LCORL: variants seen among roughly 807,000 people sequenced by gnomAD.
LCORL encodes ligand dependent nuclear receptor corepressor like.
A neutral mutation model predicts 141.8 loss-of-function variants in LCORL; 41 were observed. The ratio of observed to expected loss-of-function variants is 0.29; its 90% CI spans 0.23 to 0.38. The LOEUF (loss-of-function observed/expected upper bound fraction) is 0.38, where lower values mean the gene tolerates loss of function less well. LCORL is among the 10% of genes least tolerant of loss of function. The pLI is 1.00. For missense variants in LCORL, 1,759 were observed against 2,035.0 expected (o/e 0.86, Z 2.61); for synonymous variants, 618 against 694.1 (o/e 0.89, Z 1.72).
At chr4:17,975,973 A>G (rs913827868) in intron 1 of LCORL, among the ~76,000 whole-genome samples, 1 of 152,060 alleles carries the variant, frequency 6.6e-6, no homozygotes, top group African/African-American at 2.4e-5. Flanking sequence ...GTTATTGGGT[A>G]CATTTATATT....
chr4:17,872,356 A>G (rs1726449420), intron 7 of LCORL, among the ~76,000 whole-genome samples: 1 of 152,122 alleles, frequency 6.6e-6, no homozygotes, highest in Non-Finnish European at 1.5e-5. Flanking sequence ...GCCACACTGG[A>G]AGAATTGTCT....
At chr4:17,914,182 C>G (rs1733018536) in intron 4 of LCORL, among the ~76,000 whole-genome samples, 1 of 152,268 alleles carries the variant, frequency 6.6e-6, no homozygotes, top group East Asian at 1.9e-4. Context: ...TGATGATTAT[C>G]TTTAGAAATC....
chr4:17,877,622 G>A (rs1727059459), exon 7 of LCORL: 1 of 1,230,498 alleles, frequency 8.1e-7, no homozygotes, highest in Non-Finnish European at 1.0e-6. Context: ...CTGAGATGAC[G>A]TCTTTCAATT....
In LCORL at chr4:17,884,488, T is replaced by C. The variant is rs769969737; in HGVS notation, c.776+1580A>G. ...GAGCTCTTGCCCACAAGGCTACTTT[T>C]TGCAGCACTGCACAAGTTTCTTTAC... On this transcript the variant is annotated intron_variant, in intron 6 of 7. Transcript: ENST00000635767. This position sits in a 1 kb window ranked among gnomAD's most constrained non-coding sequence, Gnocchi z 4.4. 18 of 1,548,232 alleles carry C rather than the reference T, an allele frequency of 1.2e-5. No individual in the cohort carries two copies. In the South Asian group the frequency reaches 1.9e-4, roughly 16 times the overall value.
At chr4:17,892,197 A>ATT (rs770471544) in intron 5 of LCORL, among the ~76,000 whole-genome samples, 6 of 119,702 alleles carry the variant, frequency 5.0e-5, no homozygotes, top group African/African-American at 6.4e-5. Context: ...GTCAAATAGT[A>ATT]TTTTTTTTTT....
chr4:17,998,999 T>C (rs1446262007), intron 1 of LCORL, among the ~76,000 whole-genome samples: 21 of 64,650 alleles, frequency 3.2e-4, no homozygotes, highest in African/African-American at 1.1e-3. Context: ...TATATATATA[T>C]ATATACACAC....
chr4:18,010,420 A>ATATATG (rs1723538432), intron 1 of LCORL, among the ~76,000 whole-genome samples: 1 of 151,796 alleles, frequency 6.6e-6, no homozygotes, highest in South Asian at 2.1e-4. Flanking sequence ...GTGTATATAT[A>ATATATG]TATGTATGTA....
intron 4 of LCORL, among the ~76,000 whole-genome samples, chr4:17,939,103 T>C (rs1000250360): frequency 2.6e-5 from 4 of 152,108 alleles, no homozygotes; most frequent in Non-Finnish European, 5.9e-5. Context: ...AACAACCCAA[T>C]TAAAAATGAG....
At chr4:17,962,933 A>G in intron 3 of LCORL, 37 bp downstream of exon 3, 1 of 1,124,518 alleles carries the variant, frequency 8.9e-7, no homozygotes, top group Non-Finnish European at 1.3e-6. Flanking sequence ...ACAATTGTGC[A>G]TTAGTTTAAA....
At chr4:17,849,024 T>C (rs1314541840) in intron 7 of LCORL, among the ~76,000 whole-genome samples, 1 of 152,160 alleles carries the variant, frequency 6.6e-6, no homozygotes. Flanking sequence ...ACAAAGCAGC[T>C]GGGAAGCTCG....
intron 4 of LCORL, among the ~76,000 whole-genome samples, chr4:17,959,812 G>GA (rs967779397): frequency 1.3e-4 from 20 of 151,608 alleles, no homozygotes; most frequent in African/African-American, 4.6e-4. Context: ...TATTTTCAGG[G>GA]AAAAAAAATC....
At chr4:17,875,192 T>G in exon 7 of LCORL, 2 of 1,231,788 alleles carry the variant, frequency 1.6e-6, no homozygotes, top group South Asian at 8.2e-5. Context: ...TTTCCTGAGG[T>G]GAAGTTCTAT....
intron 7 of LCORL, among the ~76,000 whole-genome samples, chr4:17,855,454 A>T (rs1263130716): frequency 6.6e-6 from 1 of 152,240 alleles, no homozygotes; most frequent in African/African-American, 2.4e-5. Context: ...GTTTGCATCT[A>T]TCTGCCTTCT....
intron 1 of LCORL, among the ~76,000 whole-genome samples, chr4:18,008,302 T>C (rs1260777595): frequency 6.6e-6 from 1 of 152,218 alleles, no homozygotes; most frequent in Non-Finnish European, 1.5e-5. Context: ...GGAATCCTTA[T>C]CTCTGACACT....
At chr4:17,938,083 G>C (rs369672656) in intron 4 of LCORL, among the ~76,000 whole-genome samples, 7 of 144,166 alleles carry the variant, frequency 4.9e-5, no homozygotes, top group Admixed American at 2.9e-4. Context: ...TCAGCTCACC[G>C]CAACCTCTGC....
intron 4 of LCORL, among the ~76,000 whole-genome samples, chr4:17,916,260 T>A: frequency 6.6e-6 from 1 of 152,176 alleles, no homozygotes; most frequent in East Asian, 1.9e-4. Flanking sequence ...TGAGCGCCCA[T>A]CTCCTTGGCT....
chr4:17,983,100 C>A (rs1718312759), intron 1 of LCORL, among the ~76,000 whole-genome samples: 1 of 152,154 alleles, frequency 6.6e-6, no homozygotes, highest in Non-Finnish European at 1.5e-5. Context: ...TTTCTGTGCT[C>A]TCTATTCCAT....
intron 5 of LCORL, among the ~76,000 whole-genome samples, chr4:17,901,772 A>G (rs1238905851): frequency 6.6e-6 from 1 of 152,116 alleles, no homozygotes; most frequent in African/African-American, 2.4e-5. Context: ...AAAAGAAAAT[A>G]AGGAGGAAAA....
chr4:17,905,586 T>C (rs1731482383), intron 5 of LCORL, among the ~76,000 whole-genome samples: 1 of 151,966 alleles, frequency 6.6e-6, no homozygotes, highest in African/African-American at 2.4e-5. Context: ...AAGCACAAAA[T>C]AGGAATTATT....
Sources: allele counts gnomAD v4.1 joint callset (sites outside exome capture counted in the v4.1 genomes callset), GRCh38; gene constraint gnomAD v4.1.1; non-coding constraint Gnocchi (gnomAD v3.1); transcripts MANE v1.5; gene names NCBI Gene and HGNC (gene_info 2026-07-23, HGNC 2026-07-21).